ITGA10: variants seen among roughly 807,000 people sequenced by gnomAD.
ITGA10 encodes integrin alpha-10.
ITGA10 carries 105 observed loss-of-function variants against 145.2 expected under a neutral mutation model. That is an observed-to-expected ratio of 0.72 (90% CI 0.62 to 0.85). ITGA10 has a LOEUF of 0.85. Among genes scored for constraint, ITGA10 ranks in the 40% least tolerant of loss-of-function variants. ITGA10 has a pLI of 0.00. For missense variants in ITGA10, 1,317 were observed against 1,444.5 expected (o/e 0.91, Z 1.43); for synonymous variants, 506 against 557.8 (o/e 0.91, Z 1.31).
chr1:145,897,854 T>C lies in ITGA10; in HGVS notation c.2393A>G (p.Asp798Gly). Residue 798 changes from aspartate (D) to glycine (G), a missense_variant, in exon 19 of 30, where the codon GAC becomes GGC. Asp to Gly is a moderately conservative substitution (Grantham distance 94, BLOSUM62 -1). Transcript: ENST00000369304. Reference protein sequence around the residue: ...DCGPDNECVTDLVLQVNMDIR... With the variant: ...DCGPDNECVTGLVLQVNMDIR... ...GTCCATATTCACTTGAAGCACCAGGTCTGTGACACATTCATTGTCAGGGCC... is the reference window on the plus strand; with the variant it reads ...GTCCATATTCACTTGAAGCACCAGGCCTGTGACACATTCATTGTCAGGGCC... 6.2e-7 allele frequency: 1 copy of C among 1,613,948 alleles called. No homozygotes were observed. The highest frequency in any genetic ancestry group is 8.5e-7 in the Non-Finnish European group (1 of 1,179,976).
intron 20 of ITGA10, 35 bp from the exon 21 acceptor site, chr1:145,897,374 T>G: frequency 6.2e-7 from 1 of 1,609,764 alleles, no homozygotes; most frequent in Non-Finnish European, 8.5e-7. Flanking sequence ...AAGCTGGAGC[T>G]GGGGCTGCAA....
rs201790812 is a variant in ITGA10 at position 145,899,304 on chromosome 1, C to T, written c.1960G>A (p.Val654Met). 63 of 1,614,166 alleles carry T rather than the reference C, an allele frequency of 3.9e-5. No individual in the cohort carries two copies. In the East Asian group the frequency reaches 1.3e-3, roughly 33 times the overall value. The change falls in exon 16 of 30, where the codon GTG (valine) becomes ATG (methionine). Residue 654 changes from valine (V) to methionine (M), a missense_variant. By Grantham distance (21) the Val-to-Met change is conservative. Coordinates refer to ENST00000369304, the MANE Select transcript of ITGA10 (RefSeq NM_003637.5). Reference protein sequence around the residue: ...PIVHLTPSLEVTPQAISVVQR... With the variant: ...PIVHLTPSLEMTPQAISVVQR... ...ACCACACTGATGGCCTGTGGGGTCA[C>T]CTCCAGTGATGGGGTCAGATGGACA...
At chr1:145,893,397 C>G (rs2101741519) in intron 28 of ITGA10, 123 bp from the exon 29 acceptor site, 2 of 955,122 alleles carry the variant, frequency 2.1e-6, no homozygotes, top group Non-Finnish European at 3.3e-6. Flanking sequence ...AGGAAAGAAA[C>G]TGAGGCAGGA....
At chr1:145,908,935 G>A (rs587630015) in intron 1 of ITGA10, among the ~76,000 whole-genome samples, 34 of 152,264 alleles carry the variant, frequency 2.2e-4, no homozygotes, top group Admixed American at 1.9e-3. Context: ...GACTAGCCAC[G>A]TGGAAGGTCA....
Position 145,901,979 on chromosome 1 carries a change from C to T in ITGA10, c.1192G>A (p.Gly398Ser). Residue 398 changes from glycine to serine, a missense_variant, in exon 11 of 30, where the codon GGC becomes AGC. Coordinates refer to ENST00000369304, the MANE Select transcript of ITGA10 (RefSeq NM_003637.5). This position sits in a 1 kb window ranked among gnomAD's most constrained non-coding sequence, Gnocchi z 4.3. ...CCTCCTTCAAGCCATAGCACAGAGCCTCCCCAGTCATAGGCCCCCACCATC... is the reference window on the plus strand; with the variant it reads ...CCTCCTTCAAGCCATAGCACAGAGCTTCCCCAGTCATAGGCCCCCACCATC... ...FGMVGAYDWG[G>S]SVLWLEGGHR... 1.9e-6 allele frequency: 3 copies of T among 1,614,142 alleles called. No homozygotes were observed. The highest frequency in any genetic ancestry group is 2.5e-6 in the Non-Finnish European group (3 of 1,180,022).
rs1165466180 is a variant in ITGA10 at position 145,892,541 on chromosome 1, A to G, written c.*257T>C. The G allele has an allele frequency of 1.5e-5, 6 of 395,240 alleles. No individual in the cohort carries two copies. The highest frequency in any genetic ancestry group is 8.2e-5 in the African/African-American group (4 of 48,754). The allele number at this position is 395,240 out of a possible 1,614,324, so 24.5% of individuals were successfully genotyped here. A position where few individuals can be genotyped will look rare whatever the true frequency, so the allele number is the denominator to read the frequency against. ...CCAAACAAAAGCCCCAGTGTTGGCT[A>G]TGGAACCAGGATCACGAGGAGGAGG... On this transcript the variant is annotated 3_prime_UTR_variant, in exon 30 of 30. Transcript: ENST00000369304.
At chr1:145,903,002 GACAC>G (rs34766827) in intron 7 of ITGA10, 41 bp from the exon 8 acceptor site, 709 of 1,094,268 alleles carry the variant, frequency 6.5e-4, no homozygotes, top group Middle Eastern at 1.6e-3. Flanking sequence ...GATGTATGCA[GACAC>G]ACACACACAC....
Position 145,907,374 on chromosome 1 carries a change from A to G in ITGA10, c.144T>C (p.His48=), listed in dbSNP as rs1553751692. Residue 48 remains histidine, a synonymous_variant, in exon 2 of 30, where the codon CAT becomes CAC. Coordinates refer to ENST00000369304, the MANE Select transcript of ITGA10 (RefSeq NM_003637.5). ...EAEFGYSVLQ[H]VGGGQRWMLV... is the part of the protein sequence containing the mutation. ...CTCACCATCGCTGTCCACCCCCAACATGTTGTAAGACACTGTATCCAAATT... is the reference window on the plus strand; with the variant it reads ...CTCACCATCGCTGTCCACCCCCAACGTGTTGTAAGACACTGTATCCAAATT... The G allele has an allele frequency of 6.2e-7, 1 of 1,614,036 alleles. No homozygotes were observed. The highest frequency in any genetic ancestry group is 1.7e-5 in the Admixed American group (1 of 60,006).
Position 145,903,065 on chromosome 1 carries a change from A to G in ITGA10, c.759-104T>C, listed in dbSNP as rs587636350. ...CACACACACACACACACACACACAC[A>G]CAGGATTTAACATCAGCACTTCCCT... is the stretch of plus-strand genomic sequence containing the variant. On this transcript the variant is annotated intron_variant, in intron 7 of 29. Coordinates refer to ENST00000369304, the MANE Select transcript of ITGA10 (RefSeq NM_003637.5). The G allele has an allele frequency of 1.4e-5, 13 of 951,142 alleles. No homozygotes were observed. In the East Asian group the frequency reaches 2.1e-4, roughly 16 times the overall value. 58.9% of individuals were successfully genotyped at this position (951,142 alleles called of 1,614,324 possible).
In ITGA10 at chr1:145,899,351, G is replaced by A. The variant is rs750377092; in HGVS notation, c.1923-10C>T. 12 of 1,610,992 alleles carry A rather than the reference G, an allele frequency of 7.4e-6. No individual in the cohort carries two copies. The highest frequency in any genetic ancestry group is 1.3e-5 in the African/African-American group (1 of 74,862). On this transcript the variant is annotated splice_polypyrimidine_tract_variant and intron_variant, in intron 15 of 29. Transcript: ENST00000369304. ...GACAATGGGCCGGGAGCTGGGAACA[G>A]TGTGGAAAAGAAATTCTAGCAGTAG... is the stretch of plus-strand genomic sequence containing the variant.
In ITGA10 at chr1:145,899,249, T is replaced by C. The variant is rs782028878; in HGVS notation, c.2015A>G (p.Glu672Gly). Residue 672 changes from glutamate (E) to glycine (G), a missense_variant, in exon 16 of 30, where the codon GAG becomes GGG. Glu to Gly is a moderately conservative substitution (Grantham distance 98). Transcript: ENST00000369304. ...AAGGGCTGCAGTCAGACAGACTGCC[T>C]CTTGGCCTCGCCGCCTACAGTCCCT... Reference protein sequence around the residue: ...VQRDCRRRGQEAVCLTAALCF... With the variant: ...VQRDCRRRGQGAVCLTAALCF... 1.2e-6 allele frequency: 2 copies of C among 1,614,210 alleles called. No homozygotes were observed. The highest frequency in any genetic ancestry group is 4.5e-5 in the East Asian group (2 of 44,882).
Position 145,901,303 on chromosome 1 carries a change from C to T in ITGA10, c.1444-25G>A, listed in dbSNP as rs201963226. On this transcript the variant is annotated intron_variant, in intron 12 of 29. Coordinates refer to ENST00000369304, the MANE Select transcript of ITGA10 (RefSeq NM_003637.5). The surrounding 1 kb of genome is among the most constrained non-coding windows in gnomAD (Gnocchi z 4.3). Reference sequence around the variant, plus strand: ...TCTGGGGAATGGTGGGTGATGATGACCCCAGAGAAAAGGGAAGGTAACTGT... The same window carrying T: ...TCTGGGGAATGGTGGGTGATGATGATCCCAGAGAAAAGGGAAGGTAACTGT... 66 of 1,612,762 alleles carry T rather than the reference C, an allele frequency of 4.1e-5. No homozygotes were observed. Among genetic ancestry groups the T allele is most frequent in the East Asian group, 3.8e-4 (17 of 44,892 alleles).
intron 27 of ITGA10, 114 bp downstream of exon 27, chr1:145,895,166 T>C: frequency 4.4e-6 from 3 of 675,996 alleles, no homozygotes; most frequent in South Asian, 3.5e-5. Context: ...CATGGTCAAA[T>C]AGCTAGTAAG....
Position 145,892,931 on chromosome 1 carries a change from C to T in ITGA10, c.3439-68G>A, listed in dbSNP as rs1654901444. Reference sequence around the variant, plus strand: ...GGGAACCTTGCCAGTAGCTCTCAGACTTATCTGAGGTCTTCACTTTTGTTC... The same window carrying T: ...GGGAACCTTGCCAGTAGCTCTCAGATTTATCTGAGGTCTTCACTTTTGTTC... On this transcript the variant is annotated intron_variant, in intron 29 of 29. Coordinates refer to ENST00000369304, the MANE Select transcript of ITGA10 (RefSeq NM_003637.5). 7 of 1,216,994 alleles carry T rather than the reference C, an allele frequency of 5.8e-6. No individual in the cohort carries two copies. In the South Asian group the frequency reaches 6.1e-5, roughly 11 times the overall value. The allele number at this position is 1,216,994 out of a possible 1,614,324, so 75.4% of individuals were successfully genotyped here.
chr1:145,892,356 C>T lies in ITGA10; in HGVS notation c.*442G>A, dbSNP rs79711434. On this transcript the variant is annotated 3_prime_UTR_variant, in exon 30 of 30. Transcript: ENST00000369304. ...ACTCCTTTCAAGCCAACGTCAGCTCCCTCCTGTGGAGTGGGGAACAGGCAG... is the reference window on the plus strand; with the variant it reads ...ACTCCTTTCAAGCCAACGTCAGCTCTCTCCTGTGGAGTGGGGAACAGGCAG... The T allele has an allele frequency of 5.6e-3, 879 of 157,934 alleles. 7 individuals are homozygous for T. Among genetic ancestry groups the T allele is most frequent in the South Asian group, 0.019 (96 of 5,076 alleles). 9.8% of individuals were successfully genotyped at this position (157,934 alleles called of 1,614,324 possible). A position where few individuals can be genotyped will look rare whatever the true frequency, so the allele number is the denominator to read the frequency against.
chr1:145,899,454 CAT>C (rs1655920864), intron 15 of ITGA10, 113 bp from the exon 16 acceptor site: 2 of 1,143,336 alleles, frequency 1.7e-6, no homozygotes, highest in Non-Finnish European at 2.5e-6. Context: ...GCTGAATGCA[CAT>C]GTCACCCTCC....
At chr1:145,899,682 T>G (rs1553747208) in intron 15 of ITGA10, among the ~76,000 whole-genome samples, 1 of 152,022 alleles carries the variant, frequency 6.6e-6, no homozygotes, top group Non-Finnish European at 1.5e-5. Flanking sequence ...CTAATTTTTT[T>G]GTATTTTTAG....
At position 145,897,235 on chromosome 1, in the gene ITGA10, A is replaced by T. The variant is rs1553745514; in HGVS notation, c.2667+12T>A. 2 of 1,613,118 alleles carry T rather than the reference A, an allele frequency of 1.2e-6. No homozygotes were observed. The highest frequency in any genetic ancestry group is 8.5e-7 in the Non-Finnish European group (1 of 1,179,542). The stretch of plus-strand genomic sequence containing the variant: ...TCCTAGAGCCCTCTTTTCATCCTAG[A>T]CCCCAACCCACCTTGGCTCCAGTCT... On this transcript the variant is annotated intron_variant, in intron 21 of 29. Transcript: ENST00000369304.
Position 145,902,149 on chromosome 1 carries a change from A to G in ITGA10, c.1149+97T>C. On this transcript the variant is annotated intron_variant, in intron 10 of 29. Coordinates refer to ENST00000369304, the MANE Select transcript of ITGA10 (RefSeq NM_003637.5). ...GTTGGAAAGGCATGGGAAGGTGAGCATGGAGGCTGGTTAAAGGAGGAATCT... is the reference window on the plus strand; with the variant it reads ...GTTGGAAAGGCATGGGAAGGTGAGCGTGGAGGCTGGTTAAAGGAGGAATCT... The G allele has an allele frequency of 3.8e-6, 6 of 1,564,408 alleles. No homozygotes were observed. In the Admixed American group the frequency reaches 1.0e-4, roughly 26 times the overall value.
Sources: allele counts gnomAD v4.1 joint callset (sites outside exome capture counted in the v4.1 genomes callset), GRCh38; gene constraint gnomAD v4.1.1; non-coding constraint Gnocchi (gnomAD v3.1); transcripts MANE v1.5; gene names NCBI Gene and HGNC (gene_info 2026-07-23, HGNC 2026-07-21).